Variants in TASP1 observed in about 807,000 individuals in gnomAD.
The protein encoded by TASP1 is taspase 1, also known as threonine aspartase 1.
TASP1 carries 16 observed loss-of-function variants against 56.6 expected under a neutral mutation model. The ratio of observed to expected loss-of-function variants is 0.28; its 90% CI spans 0.19 to 0.43. TASP1 has a LOEUF of 0.43. TASP1 is among the 20% of genes least tolerant of loss of function. The pLI is 1.00. For missense variants in TASP1, 393 were observed against 511.6 expected, an observed-to-expected ratio of 0.77 and a Z score of 2.24; for synonymous variants, 179 against 184.2, an observed-to-expected ratio of 0.97 and a Z score of 0.23.
chr20:13,628,314 A>G (rs1364975762), intron 2 of TASP1, among the ~76,000 whole-genome samples: 1 of 152,200 alleles, frequency 6.6e-6, no homozygotes, highest in South Asian at 2.1e-4. Flanking sequence ...TACACTTTCC[A>G]AACACTCACT....
chr20:13,515,511 T>C (rs984686959), intron 10 of TASP1, among the ~76,000 whole-genome samples: 2 of 145,950 alleles, frequency 1.4e-5, no homozygotes, highest in African/African-American at 2.6e-5. Context: ...GATCATAGCC[T>C]GCCTTTTAAC....
intron 7 of TASP1, 67 bp downstream of exon 7, chr20:13,569,440 C>A (rs1002576712): frequency 4.8e-6 from 6 of 1,261,338 alleles, no homozygotes; most frequent in Admixed American, 1.8e-5. Context: ...TGGGTCATAA[C>A]AGAAGCAATA....
the TASP1 span, among the ~76,000 whole-genome samples, chr20:13,373,456 G>GTT: frequency 0.014 from 2,047 of 143,578 alleles, 46 homozygotes; most frequent in African/African-American, 0.044. Flanking sequence ...AATTCTTTCA[G>GTT]TTTTTTTTTT....
the TASP1 span, among the ~76,000 whole-genome samples, chr20:13,278,435 T>C: frequency 6.6e-6 from 1 of 152,304 alleles, no homozygotes; most frequent in East Asian, 1.9e-4. Context: ...CTATACACCC[T>C]GAAGCAACCA....
intron 13 of TASP1, among the ~76,000 whole-genome samples, chr20:13,396,301 T>C (rs903348419): frequency 6.6e-6 from 1 of 152,240 alleles, no homozygotes; most frequent in Admixed American, 6.5e-5. Context: ...CCTTGGAATG[T>C]AGTTAACTGC....
At chr20:13,292,505 C>A in the TASP1 span, 1 of 1,237,636 alleles carries the variant, frequency 8.1e-7, no homozygotes, top group Non-Finnish European at 1.2e-6. Flanking sequence ...TGACTTAGTG[C>A]CTCGGAGATT....
At chr20:13,270,089 A>G in the TASP1 span, among the ~76,000 whole-genome samples, 1 of 152,220 alleles carries the variant, frequency 6.6e-6, no homozygotes, top group Non-Finnish European at 1.5e-5. Context: ...CTTTTGCTCC[A>G]TAGCCTACAC....
chr20:13,588,075 A>G (rs1021590337), intron 4 of TASP1, among the ~76,000 whole-genome samples: 2 of 152,060 alleles, frequency 1.3e-5, no homozygotes, highest in Non-Finnish European at 2.9e-5. Context: ...CCAGCAAACC[A>G]TAATTACGCC....
chr20:13,467,249 C>A (rs6042136), intron 11 of TASP1, among the ~76,000 whole-genome samples: 34 of 151,574 alleles, frequency 2.2e-4, no homozygotes, highest in African/African-American at 6.5e-4. Flanking sequence ...CTAAGGCACT[C>A]GCAAGTAACT....
chr20:13,263,919 CTAA>C, the TASP1 span, among the ~76,000 whole-genome samples: 3 of 152,138 alleles, frequency 2.0e-5, no homozygotes, highest in Admixed American at 6.5e-5. Flanking sequence ...AAATGCATTG[CTAA>C]TAATATCTTC....
chr20:13,269,639 G>A, the TASP1 span, among the ~76,000 whole-genome samples: 4 of 152,062 alleles, frequency 2.6e-5, no homozygotes, highest in Admixed American at 6.5e-5. Flanking sequence ...ATGGCAGGGT[G>A]CCACCTTCTC....
chr20:13,288,791 CT>C, the TASP1 span: 10,854 of 946,700 alleles, frequency 0.011, no homozygotes, highest in South Asian at 0.023. Context: ...CTTTTCTTTT[CT>C]TTTTTTTTTT....
intron 12 of TASP1, among the ~76,000 whole-genome samples, chr20:13,432,293 A>G (rs2042837018): frequency 6.6e-6 from 1 of 152,212 alleles, no homozygotes; most frequent in South Asian, 2.1e-4. Context: ...AGGGGTCACA[A>G]GTTACTGACT....
the TASP1 span, among the ~76,000 whole-genome samples, chr20:13,231,235 CTTG>C: frequency 7.2e-5 from 11 of 152,136 alleles, no homozygotes; most frequent in Admixed American, 5.9e-4. Context: ...GAGGCCCCTG[CTTG>C]TTGTTGTCAT....
intron 11 of TASP1, among the ~76,000 whole-genome samples, chr20:13,468,166 T>C (rs1600891414): frequency 6.6e-6 from 1 of 151,630 alleles, no homozygotes; most frequent in Admixed American, 6.6e-5. Flanking sequence ...GCTACTTGAT[T>C]TTAAGTGGTT....
chr20:13,145,729 A>G, the TASP1 span, among the ~76,000 whole-genome samples: 2 of 152,220 alleles, frequency 1.3e-5, no homozygotes, highest in African/African-American at 4.8e-5. Flanking sequence ...ATGTTACCCA[A>G]CTTCACACTA....
At chr20:13,260,197 C>T in the TASP1 span, among the ~76,000 whole-genome samples, 1 of 152,210 alleles carries the variant, frequency 6.6e-6, no homozygotes, top group African/African-American at 2.4e-5. Flanking sequence ...CTCTTCACCT[C>T]TGGCCATATG....
chr20:13,488,508 G>A (rs746378983), intron 10 of TASP1, among the ~76,000 whole-genome samples: 5 of 152,210 alleles, frequency 3.3e-5, no homozygotes, highest in Admixed American at 1.3e-4. Context: ...AATAGAGACC[G>A]TTTCAGACAT....
At chr20:13,260,597 G>A in the TASP1 span, among the ~76,000 whole-genome samples, 2 of 150,082 alleles carry the variant, frequency 1.3e-5, no homozygotes, top group Non-Finnish European at 3.0e-5. Context: ...TTGGAATAAA[G>A]TGGAGTTTTT....
Sources: allele counts gnomAD v4.1 joint callset (sites outside exome capture counted in the v4.1 genomes callset), GRCh38; gene constraint gnomAD v4.1.1; transcripts MANE v1.5; gene names NCBI Gene and HGNC (gene_info 2026-07-23, HGNC 2026-07-21).